LHFPL4: variants seen among roughly 807,000 people sequenced by gnomAD.
LHFPL4 encodes the protein LHFPL tetraspan subfamily member 4 protein.
In LHFPL4, 6 loss-of-function variants were observed where a neutral mutation model predicts 20.0. The observed-to-expected ratio is 0.30, with a 90% CI of 0.16 to 0.59. The LOEUF is 0.59. Ranked by LOEUF, LHFPL4 falls within the 20% of genes least tolerant of loss-of-function variation. The pLI, the probability that LHFPL4 is intolerant of heterozygous loss-of-function variation, is 0.88. For missense variants in LHFPL4, 215 were observed against 331.2 expected, an observed-to-expected ratio of 0.65 and a Z score of 2.72; for synonymous variants, 129 against 143.8, an observed-to-expected ratio of 0.90 and a Z score of 0.74.
At chr3:9,511,088 A>C (rs996389266) in intron 2 of LHFPL4, among the ~76,000 whole-genome samples, 1 of 152,014 alleles carries the variant, frequency 6.6e-6, no homozygotes, top group African/African-American at 2.4e-5. Context: ...ATGGTGGTTC[A>C]CACTTGTAAT....
intron 2 of LHFPL4, among the ~76,000 whole-genome samples, chr3:9,515,950 A>G (rs567521451): frequency 6.6e-6 from 1 of 151,834 alleles, no homozygotes; most frequent in Admixed American, 6.6e-5. Context: ...CCTGGCCTCA[A>G]GTGATCCACC....
At chr3:9,548,099 C>T (rs1479031133) in intron 2 of LHFPL4, among the ~76,000 whole-genome samples, 1 of 152,170 alleles carries the variant, frequency 6.6e-6, no homozygotes, top group African/African-American at 2.4e-5. Context: ...AGCCACCGAG[C>T]CTGGCTGATC....
rs1230505191 is a variant in LHFPL4, at chr3:9,552,318, G to A, written c.362C>T (p.Thr121Met). 2 of 1,613,504 alleles carry A rather than the reference G, an allele frequency of 1.2e-6. No individual in the cohort carries two copies. Among genetic ancestry groups the A allele is most frequent in the Non-Finnish European group, 1.7e-6 (2 of 1,179,808 alleles). ...GGCGCAGATCTTGTAGACCGTAGCCGTGTTGCAGAAGAAGAAAAGCGAAAA... is the reference window on the plus strand; with the variant it reads ...GGCGCAGATCTTGTAGACCGTAGCCATGTTGCAGAAGAAGAAAAGCGAAAA... ...TCFSLFFFCN[T>M]ATVYKICAWM... Residue 121 changes from threonine to methionine, a missense_variant, in exon 2 of 4, where the codon ACG becomes ATG. Physicochemically the swap from Thr to Met is moderately conservative, Grantham distance 81. This residue lies in a region of LHFPL4 where 164 missense variants were observed against 286.7 expected (regional missense o/e 0.57). Transcript: ENST00000287585.
intron 2 of LHFPL4, among the ~76,000 whole-genome samples, chr3:9,530,400 C>T (rs2046401593): frequency 6.6e-6 from 1 of 152,172 alleles, no homozygotes; most frequent in African/African-American, 2.4e-5. Context: ...TTTATTAAAC[C>T]ACATGAACCA....
At chr3:9,524,025 C>A (rs2046358378) in intron 2 of LHFPL4, among the ~76,000 whole-genome samples, 1 of 136,220 alleles carries the variant, frequency 7.3e-6, no homozygotes, top group South Asian at 2.6e-4. Flanking sequence ...CCATTCTCTT[C>A]TTGCTTGCAC....
chr3:9,514,688 A>G (rs755064041), intron 2 of LHFPL4, among the ~76,000 whole-genome samples: 21 of 152,208 alleles, frequency 1.4e-4, no homozygotes, highest in Non-Finnish European at 2.8e-4. Flanking sequence ...AACCGTGGGC[A>G]ACCACACTGA....
intron 2 of LHFPL4, among the ~76,000 whole-genome samples, chr3:9,539,539 T>A (rs1165431372): frequency 6.6e-6 from 1 of 150,924 alleles, no homozygotes; most frequent in Non-Finnish European, 1.5e-5. Context: ...CCAGATCCGA[T>A]CATGTTCCCC....
Position 9,552,251 on chromosome 3 carries a change from G to C in LHFPL4, c.406+23C>G, listed in dbSNP as rs760261720. 3.2e-6 allele frequency: 5 copies of C among 1,569,406 alleles called. No individual in the cohort carries two copies. The South Asian group carries it at 4.7e-5, about 15-fold the overall frequency. ...CCCGTCCCTGGCGCTTGTTCTGGGAGTTCCGTCCACCCCCTCCCCTACCTG... is the reference window on the plus strand; with the variant it reads ...CCCGTCCCTGGCGCTTGTTCTGGGACTTCCGTCCACCCCCTCCCCTACCTG... On this transcript the variant is annotated intron_variant, in intron 2 of 3. Coordinates refer to ENST00000287585, the MANE Select transcript of LHFPL4 (RefSeq NM_198560.3).
chr3:9,545,026 C>T (rs944036680), intron 2 of LHFPL4, among the ~76,000 whole-genome samples: 1 of 152,042 alleles, frequency 6.6e-6, no homozygotes, highest in African/African-American at 2.4e-5. Flanking sequence ...GATTCTTACT[C>T]AGGATTTCTA....
chr3:9,503,506 G>C (rs1282281196), intron 3 of LHFPL4, among the ~76,000 whole-genome samples: 1 of 152,162 alleles, frequency 6.6e-6, no homozygotes, highest in Non-Finnish European at 1.5e-5. Flanking sequence ...CATCCCAGGA[G>C]AGCTCCCAAA....
chr3:9,543,736 T>TTTG (rs1275689781), intron 2 of LHFPL4, among the ~76,000 whole-genome samples: 1 of 146,430 alleles, frequency 6.8e-6, no homozygotes, highest in Admixed American at 6.8e-5. Context: ...TTGGTTTTTT[T>TTTG]TTTTTTTTTT....
At chr3:9,505,458 T>C (rs2046210761) in intron 3 of LHFPL4, among the ~76,000 whole-genome samples, 6 of 151,808 alleles carry the variant, frequency 4.0e-5, no homozygotes. Context: ...TTTTGTTTTT[T>C]TGTTTTTTTG....
intron 2 of LHFPL4, among the ~76,000 whole-genome samples, chr3:9,548,963 T>C (rs2125668556): frequency 6.6e-6 from 1 of 152,320 alleles, no homozygotes; most frequent in Middle Eastern, 3.4e-3. Flanking sequence ...GGATTTAAAA[T>C]GAGCGAGCAC....
chr3:9,544,300 A>AG (rs1360140996), intron 2 of LHFPL4, among the ~76,000 whole-genome samples: 1 of 152,094 alleles, frequency 6.6e-6, no homozygotes, highest in Non-Finnish European at 1.5e-5. Context: ...ATTAAAAAAA[A>AG]AAAACCCTTT....
chr3:9,498,740 C>G lies in LHFPL4; in HGVS notation c.*3471G>C, dbSNP rs1166184416. 4.6e-5 allele frequency: 7 copies of G among 152,666 alleles called. No individual in the cohort carries two copies. Among genetic ancestry groups the G allele is most frequent in the African/African-American group, 1.7e-4 (7 of 41,462 alleles). 9.5% of individuals were successfully genotyped at this position (152,666 alleles called of 1,614,324 possible). The stretch of plus-strand genomic sequence containing the variant: ...TCTCTTTCTCAGTTCACACTGGAAG[C>G]TGGAGAAAGGTTATTCCCCGTGTGC... On this transcript the variant is annotated 3_prime_UTR_variant, in exon 4 of 4. Coordinates refer to ENST00000287585, the MANE Select transcript of LHFPL4 (RefSeq NM_198560.3).
intron 2 of LHFPL4, among the ~76,000 whole-genome samples, chr3:9,513,102 GGC>G (rs754818051): frequency 2.4e-4 from 36 of 150,926 alleles, no homozygotes; most frequent in Non-Finnish European, 4.3e-4. Context: ...TGGGATTACA[GGC>G]GCCCGCCACT....
chr3:9,502,596 G>T (rs1418085005), intron 3 of LHFPL4, among the ~76,000 whole-genome samples: 2 of 152,012 alleles, frequency 1.3e-5, no homozygotes, highest in African/African-American at 4.8e-5. Context: ...CCAGCTACTT[G>T]GGAGGCTGAG....
chr3:9,504,454 C>T (rs1307722031), intron 3 of LHFPL4, among the ~76,000 whole-genome samples: 3 of 151,740 alleles, frequency 2.0e-5, no homozygotes, highest in African/African-American at 7.3e-5. Context: ...ATATACTTGA[C>T]TTCCTCCCCT....
intron 2 of LHFPL4, among the ~76,000 whole-genome samples, chr3:9,551,334 C>T (rs2046552606): frequency 6.6e-6 from 1 of 152,094 alleles, no homozygotes; most frequent in Non-Finnish European, 1.5e-5. Flanking sequence ...AGCTCTCCTC[C>T]CCCACCCCTC....
Sources: allele counts gnomAD v4.1 joint callset (sites outside exome capture counted in the v4.1 genomes callset), GRCh38; gene constraint gnomAD v4.1.1; regional missense constraint gnomAD v4.1.1; transcripts MANE v1.5; gene names NCBI Gene and HGNC (gene_info 2026-07-23, HGNC 2026-07-21).